Variants in KCNK10 observed in about 807,000 individuals in gnomAD.
KCNK10 encodes potassium two pore domain channel subfamily K member 10, also known as potassium channel subfamily K member 10.
KCNK10 carries 25 observed loss-of-function variants against 47.7 expected under a neutral mutation model. The ratio of observed to expected loss-of-function variants is 0.52; its 90% CI spans 0.38 to 0.73. KCNK10 has a LOEUF of 0.73. Among genes scored for constraint, KCNK10 ranks in the 30% least tolerant of loss-of-function variants. The probability of loss-of-function intolerance (pLI) is 0.00; values close to 1 mark genes in which losing one functional copy is unlikely to be tolerated. For synonymous variants in KCNK10, 303 were observed against 285.6 expected (o/e 1.06, Z -0.61); for missense variants, 563 against 714.5 (o/e 0.79, Z 2.42).
intron 2 of KCNK10, among the ~76,000 whole-genome samples, chr14:88,251,630 GGGTT>G (rs1185091981): frequency 1.3e-5 from 2 of 152,176 alleles, no homozygotes; most frequent in Non-Finnish European, 2.9e-5. Context: ...AAAACCCTTT[GGGTT>G]TATACGAAGA....
intron 1 of KCNK10, among the ~76,000 whole-genome samples, chr14:88,310,530 A>G (rs977291085): frequency 2.6e-5 from 4 of 152,162 alleles, no homozygotes; most frequent in African/African-American, 9.7e-5. Flanking sequence ...AGGGCTCCTC[A>G]AATCCCACCC....
At chr14:88,220,560 T>C (rs1266608929) in intron 4 of KCNK10, among the ~76,000 whole-genome samples, 1 of 142,646 alleles carries the variant, frequency 7.0e-6, no homozygotes, top group Non-Finnish European at 1.5e-5. Context: ...CACATAAATA[T>C]AGTCAACTTA....
intron 1 of KCNK10, among the ~76,000 whole-genome samples, chr14:88,312,369 A>G (rs550476992): frequency 1.3e-5 from 2 of 152,338 alleles, no homozygotes; most frequent in African/African-American, 4.8e-5. Flanking sequence ...TCCTCCCTCC[A>G]TCAGCAGCTT....
intron 1 of KCNK10, among the ~76,000 whole-genome samples, chr14:88,312,529 T>C (rs549506617): frequency 6.6e-6 from 1 of 152,190 alleles, no homozygotes; most frequent in East Asian, 1.9e-4. Flanking sequence ...TTCCCCAGCA[T>C]TTCTACTGCT....
At chr14:88,188,437 A>C (rs1007104227) in intron 5 of KCNK10, among the ~76,000 whole-genome samples, 3 of 152,252 alleles carry the variant, frequency 2.0e-5, no homozygotes, top group South Asian at 4.1e-4. Context: ...ACAACAGATC[A>C]GGCCTGGTTG....
At chr14:88,266,364 C>T (rs1294972766) in intron 1 of KCNK10, among the ~76,000 whole-genome samples, 1 of 152,162 alleles carries the variant, frequency 6.6e-6, no homozygotes, top group Non-Finnish European at 1.5e-5. Flanking sequence ...GTAACCCCTT[C>T]CCCACCCTCA....
At chr14:88,289,382 A>G (rs891634747) in intron 1 of KCNK10, among the ~76,000 whole-genome samples, 1 of 152,194 alleles carries the variant, frequency 6.6e-6, no homozygotes, top group African/African-American at 2.4e-5. Flanking sequence ...GATCTTGGGG[A>G]GAATCCAGTT....
intron 1 of KCNK10, among the ~76,000 whole-genome samples, chr14:88,310,106 G>T: frequency 1.3e-5 from 1 of 79,778 alleles, no homozygotes; most frequent in Non-Finnish European, 2.5e-5. Flanking sequence ...AACTACATTC[G>T]CATGTTAACA....
intron 1 of KCNK10, among the ~76,000 whole-genome samples, chr14:88,274,563 A>AAAAAAAAAAAAAAAAAC (rs1887485383): frequency 6.7e-6 from 1 of 150,350 alleles, no homozygotes; most frequent in Admixed American, 6.6e-5. Context: ...AAAAAAAAAA[A>AAAAAAAAAAAAAAAAAC]AAAGATCTTA....
intron 1 of KCNK10, among the ~76,000 whole-genome samples, chr14:88,303,034 T>A (rs984531337): frequency 6.6e-6 from 1 of 152,126 alleles, no homozygotes; most frequent in Non-Finnish European, 1.5e-5. Context: ...GGGGTGATAT[T>A]TAAGAAATGT....
At chr14:88,218,138 C>T (rs2025019) in intron 4 of KCNK10, among the ~76,000 whole-genome samples, 25,221 of 152,082 alleles carry the variant, frequency 0.17, 2,686 homozygotes, top group East Asian at 0.4. Flanking sequence ...TGATTACAGA[C>T]GTGGACCACT....
intron 2 of KCNK10, among the ~76,000 whole-genome samples, chr14:88,249,734 G>A (rs938538458): frequency 1.1e-4 from 17 of 152,146 alleles, no homozygotes; most frequent in African/African-American, 4.1e-4. Context: ...AAATTTAAAT[G>A]AGTTACTACA....
chr14:88,225,623 A>G (rs1406827429), intron 4 of KCNK10, among the ~76,000 whole-genome samples: 1 of 152,252 alleles, frequency 6.6e-6, no homozygotes, highest in Non-Finnish European at 1.5e-5. Flanking sequence ...GAGGATTTCA[A>G]AAACTTTTAG....
intron 3 of KCNK10, among the ~76,000 whole-genome samples, chr14:88,231,320 G>C (rs1051547768): frequency 1.3e-5 from 2 of 151,996 alleles, no homozygotes; most frequent in Non-Finnish European, 2.9e-5. Flanking sequence ...ATCCAATCCA[G>C]TGCTGGGTAA....
chr14:88,236,609 C>T (rs1423728549), intron 3 of KCNK10, among the ~76,000 whole-genome samples: 1 of 151,994 alleles, frequency 6.6e-6, no homozygotes, highest in Non-Finnish European at 1.5e-5. Flanking sequence ...AATTACATAC[C>T]CTGAGGTTAT....
chr14:88,278,398 A>G (rs17124400), intron 1 of KCNK10, among the ~76,000 whole-genome samples: 13,820 of 152,244 alleles, frequency 0.091, 1,558 homozygotes, highest in African/African-American at 0.27. Context: ...CACTGTGAAC[A>G]TATTTCCATT....
In KCNK10 at chr14:88,184,274, A is replaced by G. The variant is rs1426242964; in HGVS notation, c.*1261T>C. 1 of 152,384 alleles carries G rather than the reference A, an allele frequency of 6.6e-6. No homozygotes were observed. The highest frequency in any genetic ancestry group is 1.5e-5 in the Non-Finnish European group (1 of 68,048). 9.4% of individuals were successfully genotyped at this position (152,384 alleles called of 1,614,324 possible). A position where few individuals can be genotyped will look rare whatever the true frequency, so the allele number is the denominator to read the frequency against. ...TTAGTGAGTAACCGATGTGAGATGT[A>G]GAAACAAGCAAGGAGCAGTGGTGAC... On this transcript the variant is annotated 3_prime_UTR_variant, in exon 7 of 7. Transcript: ENST00000319231.
chr14:88,197,548 T>G (rs1295399229), intron 4 of KCNK10, among the ~76,000 whole-genome samples: 1 of 107,170 alleles, frequency 9.3e-6, no homozygotes, highest in Non-Finnish European at 1.7e-5. Flanking sequence ...CACTCCAGCC[T>G]GGGCAACAGA....
At chr14:88,282,980 A>C (rs554790651) in intron 1 of KCNK10, among the ~76,000 whole-genome samples, 1 of 152,222 alleles carries the variant, frequency 6.6e-6, no homozygotes, top group Non-Finnish European at 1.5e-5. Flanking sequence ...CTTCAGCACT[A>C]TGTCAAACTG....
Sources: allele counts gnomAD v4.1 joint callset (sites outside exome capture counted in the v4.1 genomes callset), GRCh38; gene constraint gnomAD v4.1.1; transcripts MANE v1.5; gene names NCBI Gene and HGNC (gene_info 2026-07-23, HGNC 2026-07-21).